The following GRIN2A variants were observed in gnomAD, a reference collection of about 807,000 sequenced individuals.
GRIN2A encodes the protein glutamate receptor ionotropic, NMDA 2A.
In GRIN2A, 22 loss-of-function variants were observed where a neutral mutation model predicts 113.4. The ratio of observed to expected loss-of-function variants is 0.19; its 90% CI spans 0.14 to 0.28. The LOEUF (loss-of-function observed/expected upper bound fraction) is 0.28, where lower values mean the gene tolerates loss of function less well. Among genes scored for constraint, GRIN2A ranks in the 10% least tolerant of loss-of-function variants. GRIN2A has a pLI of 1.00. For missense variants in GRIN2A, 1,502 were observed against 1,887.0 expected, an observed-to-expected ratio of 0.80 and a Z score of 3.78; for synonymous variants, 827 against 738.4, an observed-to-expected ratio of 1.12 and a Z score of -1.94.
At chr16:9,844,123 T>C (rs12920919) in intron 5 of GRIN2A, among the ~76,000 whole-genome samples, 47,892 of 151,982 alleles carry the variant, frequency 0.32, 7,773 homozygotes, top group Non-Finnish European at 0.34. Context: ...TCAAGATTTC[T>C]GGAAGATTAG....
Position 10,049,089 on chromosome 16 carries a change from T to A in GRIN2A, c.415-110538A>T, listed in dbSNP as rs532592996. On this transcript the variant is annotated intron_variant, in intron 2 of 12. Transcript: ENST00000330684. ...ATAACAGTATTTTAATTTCCTGATA[T>A]GACACACTCCATACTGAAATTACCC... Among the ~76,000 whole-genome samples the A allele has an allele frequency of 2.0e-5, 3 of 152,314 alleles. No individual in the cohort carries two copies. In the South Asian group the frequency reaches 6.2e-4, roughly 32 times the overall value.
chr16:9,807,428 A>G (rs2042003830), intron 10 of GRIN2A, among the ~76,000 whole-genome samples: 1 of 128,346 alleles, frequency 7.8e-6, no homozygotes, highest in Admixed American at 7.5e-5. Context: ...AGACAGAGAG[A>G]AAGAGAGACA....
chr16:10,154,601 T>C (rs932651007), intron 2 of GRIN2A, among the ~76,000 whole-genome samples: 3 of 147,956 alleles, frequency 2.0e-5, no homozygotes, highest in African/African-American at 7.3e-5. Flanking sequence ...ACTGAACACA[T>C]TAACACATAA....
intron 2 of GRIN2A, among the ~76,000 whole-genome samples, chr16:10,106,929 C>T (rs2048511594): frequency 6.6e-6 from 1 of 152,046 alleles, no homozygotes; most frequent in African/African-American, 2.4e-5. Context: ...ATTGCCATTA[C>T]CTCCATTTTC....
chr16:10,006,731 C>G (rs2046410567), intron 2 of GRIN2A, among the ~76,000 whole-genome samples: 1 of 152,124 alleles, frequency 6.6e-6, no homozygotes, highest in Admixed American at 6.5e-5. Flanking sequence ...CGCATTCCAT[C>G]TTAACTATAT....
At chr16:10,103,049 G>T (rs903513255) in intron 2 of GRIN2A, among the ~76,000 whole-genome samples, 3 of 152,180 alleles carry the variant, frequency 2.0e-5, no homozygotes, top group African/African-American at 7.2e-5. Context: ...ACATCAAGAA[G>T]CTCAAAGACT....
chr16:9,980,855 G>A (rs1213794295), intron 2 of GRIN2A, among the ~76,000 whole-genome samples: 1 of 117,272 alleles, frequency 8.5e-6, no homozygotes, highest in African/African-American at 3.1e-5. Flanking sequence ...GGGGGAGGGG[G>A]GAGGGACAGC....
rs1300221831 is a variant in GRIN2A at position 9,949,109 on chromosome 16, C to A, written c.415-10558G>T. ...GCCTCCTCTCTCCCCTCCACCTCCA[C>A]GGTGCTCCCAGAACACACTGTCCAG... is the stretch of plus-strand genomic sequence containing the variant. On this transcript the variant is annotated intron_variant, in intron 2 of 12. Coordinates refer to ENST00000330684, the MANE Select transcript of GRIN2A (RefSeq NM_001134407.3). 3.3e-5 allele frequency among the ~76,000 whole-genome samples: 5 copies of A among 152,206 alleles called. No homozygotes were observed. In the South Asian group the frequency reaches 1.0e-3, roughly 32 times the overall value.
intron 2 of GRIN2A, among the ~76,000 whole-genome samples, chr16:10,166,834 C>T (rs544433404): frequency 3.3e-5 from 5 of 152,292 alleles, no homozygotes; most frequent in African/African-American, 9.6e-5. Flanking sequence ...TCAGCCTCCT[C>T]AATGTAAAGA....
At chr16:9,784,310 A>C (rs1902091900) in intron 11 of GRIN2A, among the ~76,000 whole-genome samples, 1 of 151,966 alleles carries the variant, frequency 6.6e-6, no homozygotes, top group African/African-American at 2.4e-5. Flanking sequence ...GGTGCCTGTA[A>C]TCCCAGCTAC....
intron 2 of GRIN2A, among the ~76,000 whole-genome samples, chr16:9,979,852 TG>T (rs2045857882): frequency 6.9e-6 from 1 of 144,206 alleles, no homozygotes; most frequent in Non-Finnish European, 1.5e-5. Context: ...ATTCTGTGTG[TG>T]TGTGTGTGTG....
intron 2 of GRIN2A, among the ~76,000 whole-genome samples, chr16:10,162,175 G>T (rs1245665538): frequency 6.6e-6 from 1 of 152,154 alleles, no homozygotes; most frequent in Non-Finnish European, 1.5e-5. Context: ...GTTTTAGGAA[G>T]GATTCTAAGA....
chr16:9,978,584 C>G (rs1256499107), intron 2 of GRIN2A, among the ~76,000 whole-genome samples: 1 of 152,078 alleles, frequency 6.6e-6, no homozygotes, highest in East Asian at 1.9e-4. Flanking sequence ...CTTAATGAAG[C>G]AAGATCTTCC....
chr16:9,754,766 G>A lies in GRIN2A; in HGVS notation c.*8383C>T, dbSNP rs1900289386. 1 of 220,538 alleles carries A rather than the reference G, an allele frequency of 4.5e-6. No homozygotes were observed. Among genetic ancestry groups the A allele is most frequent in the Middle Eastern group, 1.4e-3 (1 of 720 alleles). 13.7% of individuals were successfully genotyped at this position (220,538 alleles called of 1,614,324 possible). ...GTAGAAACTTCGATTGAATTCAAAA[G>A]GCTATGATTGTTTTTCATGGAAAAA... On this transcript the variant is annotated 3_prime_UTR_variant, in exon 13 of 13. Transcript: ENST00000330684.
chr16:9,952,283 G>A (rs1360741936), intron 2 of GRIN2A, among the ~76,000 whole-genome samples: 1 of 152,110 alleles, frequency 6.6e-6, no homozygotes, highest in African/African-American at 2.4e-5. Flanking sequence ...GAGGGTGAAA[G>A]GGTTCCCAGT....
At chr16:9,823,850 T>A (rs1385028005) in intron 9 of GRIN2A, among the ~76,000 whole-genome samples, 2 of 152,172 alleles carry the variant, frequency 1.3e-5, no homozygotes, top group Non-Finnish European at 2.9e-5. Context: ...ACCATTGCTA[T>A]TGACTCTCTC....
chr16:9,856,153 T>C (rs1427717779), intron 4 of GRIN2A, among the ~76,000 whole-genome samples: 1 of 152,190 alleles, frequency 6.6e-6, no homozygotes, highest in Non-Finnish European at 1.5e-5. Context: ...TTATCCTCAT[T>C]GCATGATGAG....
chr16:9,936,907 T>G (rs1193265606), intron 3 of GRIN2A, among the ~76,000 whole-genome samples: 1 of 152,184 alleles, frequency 6.6e-6, no homozygotes. Context: ...TAAATTGGTG[T>G]TGTTACTTTG....
chr16:9,791,656 C>T (rs1902612913), intron 11 of GRIN2A, among the ~76,000 whole-genome samples: 1 of 152,116 alleles, frequency 6.6e-6, no homozygotes, highest in Admixed American at 6.6e-5. Flanking sequence ...AGCAACCCAT[C>T]CAGCGGCCCA....
Sources: allele counts gnomAD v4.1 joint callset (sites outside exome capture counted in the v4.1 genomes callset), GRCh38; gene constraint gnomAD v4.1.1; transcripts MANE v1.5; gene names NCBI Gene and HGNC (gene_info 2026-07-23, HGNC 2026-07-21).